The following SHTN1 variants were observed in gnomAD, a reference collection of about 807,000 sequenced individuals.
SHTN1 encodes shootin 1, also known as shootin-1.
A neutral mutation model predicts 83.1 loss-of-function variants in SHTN1; 42 were observed. The observed-to-expected ratio is 0.51, with a 90% confidence interval of 0.39 to 0.65. SHTN1 has a LOEUF of 0.65. SHTN1 is among the 30% of genes least tolerant of loss of function. The pLI is 0.00. For missense variants in SHTN1, 622 were observed against 737.8 expected (o/e 0.84, Z 1.82); for synonymous variants, 224 against 247.7 (o/e 0.90, Z 0.90).
At chr10:117,124,389 G>A (rs1589942170) in intron 1 of SHTN1, among the ~76,000 whole-genome samples, 1 of 152,054 alleles carries the variant, frequency 6.6e-6, no homozygotes, top group African/African-American at 2.4e-5. Flanking sequence ...TGTTCAGAGT[G>A]GTATACCAGT....
chr10:116,908,123 A>G (rs1157304095), intron 14 of SHTN1, among the ~76,000 whole-genome samples: 2 of 152,188 alleles, frequency 1.3e-5, no homozygotes, highest in Non-Finnish European at 2.9e-5. Flanking sequence ...GTTACAGAAA[A>G]GTAACCTGTT....
intron 1 of SHTN1, among the ~76,000 whole-genome samples, chr10:117,118,773 G>T (rs887944168): frequency 6.6e-6 from 1 of 152,166 alleles, no homozygotes; most frequent in Non-Finnish European, 1.5e-5. Context: ...ACTGGGGCCT[G>T]TTGGAGGATG....
intron 1 of SHTN1, among the ~76,000 whole-genome samples, chr10:117,115,388 A>G (rs1415111098): frequency 6.6e-6 from 1 of 151,620 alleles, no homozygotes; most frequent in Admixed American, 6.6e-5. Flanking sequence ...GCAGCTAAAG[A>G]AAAAAAAAGG....
chr10:116,989,102 C>T, intron 1 of SHTN1, among the ~76,000 whole-genome samples: 1 of 151,992 alleles, frequency 6.6e-6, no homozygotes, highest in East Asian at 1.9e-4. Context: ...ATGAACTTTT[C>T]CTACAGCTGA....
At chr10:117,014,135 G>A (rs1248402554) in intron 2 of SHTN1, among the ~76,000 whole-genome samples, 1 of 152,180 alleles carries the variant, frequency 6.6e-6, no homozygotes, top group Admixed American at 6.5e-5. Context: ...ACCAGGGGTT[G>A]AGGACGAATG....
intron 2 of SHTN1, among the ~76,000 whole-genome samples, chr10:117,034,175 C>T (rs1457632643): frequency 6.6e-6 from 1 of 152,126 alleles, no homozygotes; most frequent in African/African-American, 2.4e-5. Flanking sequence ...TACTGAAAGT[C>T]CTAGCTACAG....
chr10:116,954,896 G>A (rs1022518269), intron 4 of SHTN1, among the ~76,000 whole-genome samples: 4 of 151,992 alleles, frequency 2.6e-5, no homozygotes, highest in Non-Finnish European at 4.4e-5. Flanking sequence ...GATGTGTAGA[G>A]AAAGGAAGAG....
At chr10:116,913,540 A>C (rs2133351207) in intron 13 of SHTN1, among the ~76,000 whole-genome samples, 1 of 152,342 alleles carries the variant, frequency 6.6e-6, no homozygotes, top group South Asian at 2.1e-4. Flanking sequence ...CTGAAAACGA[A>C]AGTACGTATG....
intron 1 of SHTN1, among the ~76,000 whole-genome samples, chr10:117,096,110 T>C (rs569101074): frequency 1.3e-5 from 2 of 152,210 alleles, no homozygotes; most frequent in African/African-American, 2.4e-5. Context: ...TCTAATATCT[T>C]TGTTGATTCT....
intron 9 of SHTN1, among the ~76,000 whole-genome samples, chr10:116,930,640 A>C (rs1365842658): frequency 1.3e-5 from 2 of 152,190 alleles, no homozygotes; most frequent in Non-Finnish European, 1.5e-5. Context: ...ACGGATGGGC[A>C]TTGAGGTTGA....
intron 1 of SHTN1, among the ~76,000 whole-genome samples, chr10:117,104,254 A>C (rs1009062731): frequency 6.6e-6 from 1 of 152,004 alleles, no homozygotes; most frequent in Non-Finnish European, 1.5e-5. Flanking sequence ...TCTCTCATAA[A>C]ATCTTCCCTT....
At chr10:117,093,374 TTAA>T (rs1201315747) in intron 1 of SHTN1, among the ~76,000 whole-genome samples, 1 of 151,900 alleles carries the variant, frequency 6.6e-6, no homozygotes, top group Non-Finnish European at 1.5e-5. Flanking sequence ...GGCATTATTA[TTAA>T]TAACTTGAAA....
chr10:116,962,050 C>T (rs541862623), intron 3 of SHTN1, among the ~76,000 whole-genome samples: 3 of 120,598 alleles, frequency 2.5e-5, no homozygotes, highest in Non-Finnish European at 5.0e-5. Flanking sequence ...CTCCCCCCCC[C>T]TTCCACATCA....
chr10:116,901,787 T>G lies in SHTN1; in HGVS notation c.1651A>C (p.Thr551Pro), dbSNP rs1847747712. 6.2e-7 allele frequency: 1 copy of G among 1,602,966 alleles called. No individual in the cohort carries two copies. The highest frequency in any genetic ancestry group is 1.4e-5 in the African/African-American group (1 of 73,896). Reference protein sequence around the residue: ...GEGPRKLEGCTSSKVTFQPPS... With the variant: ...GEGPRKLEGCPSSKVTFQPPS... The stretch of plus-strand genomic sequence containing the variant: ...TACTGAAACGTAACCTTGGAACTTG[T>G]GCATCCTTCCAATTTACGGGGCCCT... Residue 551 changes from threonine (T) to proline (P), a missense_variant, in exon 16 of 17, where the codon ACA (threonine) becomes CCA (proline). Physicochemically the swap from Thr to Pro is conservative, Grantham distance 38 (BLOSUM62 -1). Transcript: ENST00000355371.
chr10:116,921,914 T>C (rs1313489649), intron 11 of SHTN1, among the ~76,000 whole-genome samples: 2 of 152,140 alleles, frequency 1.3e-5, no homozygotes, highest in African/African-American at 2.4e-5. Context: ...TAAATATCTA[T>C]TTGTGAACTA....
Position 117,069,940 on chromosome 10 carries a change from G to A in SHTN1, c.-188-21430C>T, listed in dbSNP as rs149815278. On this transcript the variant is annotated intron_variant, in intron 1 of 17. Transcript: ENST00000392901. ...TACAAAGGCAAATGTAATAATAAAG[G>A]GAGTAGAGTTCTATAAAAATTAAGT... Among the ~76,000 whole-genome samples, 95 of 152,154 alleles carry A rather than the reference G, an allele frequency of 6.2e-4. No homozygotes were observed. The East Asian group carries it at 0.016, about 25-fold the overall frequency.
intron 8 of SHTN1, among the ~76,000 whole-genome samples, chr10:116,941,048 T>C (rs746959633): frequency 5.3e-5 from 8 of 152,218 alleles, no homozygotes; most frequent in Non-Finnish European, 1.0e-4. Flanking sequence ...GGGAATCATT[T>C]TACATTCATT....
rs1384184267 is a variant in SHTN1 at position 116,973,045 on chromosome 10, A to T, written c.112-4333T>A. ...TAGAGAAACAGCCTTTCCAGTGTGA[A>T]TTAGTATCTTCCTTGCACCACCCAC... On this transcript the variant is annotated intron_variant, in intron 2 of 16. Transcript: ENST00000355371. 2.0e-5 allele frequency among the ~76,000 whole-genome samples: 3 copies of T among 152,174 alleles called. No homozygotes were observed. In the East Asian group the frequency reaches 5.8e-4, roughly 29 times the overall value.
At chr10:117,110,110 A>G (rs753359365) in intron 1 of SHTN1, among the ~76,000 whole-genome samples, 1 of 152,154 alleles carries the variant, frequency 6.6e-6, no homozygotes, top group Admixed American at 6.5e-5. Flanking sequence ...AACATCTCTC[A>G]TATCCCTCAG....
Sources: gnomAD v4.1 joint callset for allele counts (sites outside exome capture counted in the v4.1 genomes callset) on GRCh38, gnomAD v4.1.1 for gene constraint, MANE v1.5 for transcripts, NCBI Gene and HGNC (gene_info 2026-07-23, HGNC 2026-07-21) for gene names.